The following ANK2 variants were observed in gnomAD, a reference collection of about 807,000 sequenced individuals.
The protein encoded by ANK2 is ankyrin-2.
ANK2 carries 83 observed loss-of-function variants against 360.5 expected under a neutral mutation model. That is an observed-to-expected ratio of 0.23 (90% CI 0.19 to 0.28). The LOEUF is 0.28. Ranked by LOEUF, ANK2 falls within the 10% of genes least tolerant of loss-of-function variation. The pLI is 1.00. For missense variants in ANK2, 4,201 were observed against 4,795.7 expected (o/e 0.88, Z 3.66); for synonymous variants, 1,740 against 1,759.5 (o/e 0.99, Z 0.28).
chr4:113,233,287 A>G (rs1160301656), intron 5 of ANK2, among the ~76,000 whole-genome samples: 15 of 149,124 alleles, frequency 1.0e-4, no homozygotes, highest in Non-Finnish European at 1.9e-4. Flanking sequence ...GGCGCCCGCC[A>G]CTACGCCCGG....
rs199922285 is a variant in ANK2, at chr4:113,369,653, C to T, written c.11458C>T (p.Arg3820Trp). 13 of 1,614,114 alleles carry T rather than the reference C, an allele frequency of 8.1e-6. No individual in the cohort carries two copies. Among genetic ancestry groups the T allele is most frequent in the Admixed American group, 5.0e-5 (3 of 60,016 alleles). The change falls in exon 43 of 46, where the codon CGG becomes TGG. Residue 3820 changes from arginine to tryptophan, a missense_variant. Arg to Trp is a moderately radical substitution (Grantham distance 101, BLOSUM62 -3). This residue lies in a region of ANK2 where 2,642 missense variants were observed against 2,714.5 expected (regional missense o/e 0.97). Transcript: ENST00000357077. ...CCTCCAGACCCCAACATCCAGCGAGCGGGGAGGCTCTCCCATCATACAAGA... is the reference window on the plus strand; with the variant it reads ...CCTCCAGACCCCAACATCCAGCGAGTGGGGAGGCTCTCCCATCATACAAGA... ...LYLQTPTSSE[R>W]GGSPIIQEPE...
chr4:113,149,483 C>T (rs2096955403), intron 1 of ANK2, among the ~76,000 whole-genome samples: 1 of 151,844 alleles, frequency 6.6e-6, no homozygotes, highest in African/African-American at 2.4e-5. Context: ...GATATTAACC[C>T]TAACAAGAGC....
intron 9 of ANK2, among the ~76,000 whole-genome samples, chr4:113,244,858 A>G (rs1027012956): frequency 2.0e-5 from 3 of 152,082 alleles, no homozygotes; most frequent in Non-Finnish European, 4.4e-5. Flanking sequence ...GATCGAGACC[A>G]TGTGGGGTTT....
chr4:113,001,822 G>A (rs1031587575), intron 2 of ANK2, among the ~76,000 whole-genome samples: 17 of 152,090 alleles, frequency 1.1e-4, no homozygotes, highest in African/African-American at 3.9e-4. Flanking sequence ...CACAAAATGA[G>A]CATTTTGATT....
At chr4:112,938,421 T>G (rs1362107264) in intron 2 of ANK2, among the ~76,000 whole-genome samples, 1 of 152,190 alleles carries the variant, frequency 6.6e-6, no homozygotes, top group Non-Finnish European at 1.5e-5. Flanking sequence ...TACCGCTATA[T>G]GTGTTGGGGT....
At chr4:113,222,883 A>G (rs2099166947) in intron 4 of ANK2, among the ~76,000 whole-genome samples, 2 of 152,212 alleles carry the variant, frequency 1.3e-5, no homozygotes, top group South Asian at 2.1e-4. Context: ...TGTCAACTTC[A>G]GATTATCTGA....
intron 1 of ANK2, among the ~76,000 whole-genome samples, chr4:112,864,948 C>T (rs555721586): frequency 1.2e-4 from 16 of 138,304 alleles, no homozygotes; most frequent in Non-Finnish European, 1.4e-4. Flanking sequence ...AGGAGAATGG[C>T]GTGAACCCAG....
At chr4:113,085,312 T>C (rs1449850715) in intron 1 of ANK2, among the ~76,000 whole-genome samples, 2 of 152,020 alleles carry the variant, frequency 1.3e-5, no homozygotes, top group Non-Finnish European at 2.9e-5. Flanking sequence ...GACTTTTTCT[T>C]TTCTTTTTCT....
intron 1 of ANK2, chr4:113,107,010 T>G: frequency 2.0e-6 from 1 of 488,960 alleles, no homozygotes; most frequent in South Asian, 1.6e-5. Flanking sequence ...ATGGTGATTG[T>G]TCTTTGTTGT....
chr4:112,809,036 T>A, the ANK2 span, among the ~76,000 whole-genome samples: 2 of 151,846 alleles, frequency 1.3e-5, no homozygotes, highest in African/African-American at 4.8e-5. Context: ...TTTTTTTATT[T>A]TTAGTAGAGA....
chr4:113,297,113 T>C (rs757606656), intron 22 of ANK2, among the ~76,000 whole-genome samples: 1 of 151,994 alleles, frequency 6.6e-6, no homozygotes, highest in African/African-American at 2.4e-5. Flanking sequence ...GTCTAATGGG[T>C]ACAAAAATAC....
chr4:113,064,471 A>T (rs1160723404), intron 1 of ANK2, among the ~76,000 whole-genome samples: 3 of 152,178 alleles, frequency 2.0e-5, no homozygotes, highest in African/African-American at 7.2e-5. Context: ...GGGGCTCTGC[A>T]TTCCACAGTG....
intron 9 of ANK2, among the ~76,000 whole-genome samples, chr4:113,244,169 A>T (rs2041562200): frequency 6.6e-6 from 1 of 152,200 alleles, no homozygotes; most frequent in Admixed American, 6.5e-5. Flanking sequence ...TCATTCAAGG[A>T]TTTAAAAAGA....
intron 2 of ANK2, among the ~76,000 whole-genome samples, chr4:112,922,005 G>C (rs2091657098): frequency 6.6e-6 from 1 of 152,172 alleles, no homozygotes; most frequent in Non-Finnish European, 1.5e-5. Flanking sequence ...TATTTCCTGA[G>C]TTGTTAAATG....
chr4:112,920,167 T>C (rs996929280), intron 2 of ANK2, among the ~76,000 whole-genome samples: 2 of 152,210 alleles, frequency 1.3e-5, no homozygotes, highest in African/African-American at 4.8e-5. Flanking sequence ...CACCACTCTA[T>C]GTTGCCTCTG....
intron 1 of ANK2, among the ~76,000 whole-genome samples, chr4:113,135,218 T>C (rs1179761432): frequency 6.6e-6 from 1 of 152,164 alleles, no homozygotes; most frequent in South Asian, 2.1e-4. Context: ...TAAGACATGT[T>C]AGAAGTAAAG....
the ANK2 span, among the ~76,000 whole-genome samples, chr4:112,812,657 A>G: frequency 4.3e-4 from 65 of 152,292 alleles, no homozygotes; most frequent in African/African-American, 1.5e-3. Flanking sequence ...CCCTTCCCAG[A>G]CTACAGATTT....
chr4:112,820,116 A>T (rs1327431807), intron 1 of ANK2, among the ~76,000 whole-genome samples: 1 of 152,236 alleles, frequency 6.6e-6, no homozygotes, highest in African/African-American at 2.4e-5. Flanking sequence ...TTAACACAGT[A>T]ATGTGAAAAG....
intron 38 of ANK2, 90 bp from the exon 39 acceptor site, chr4:113,360,733 A>G: frequency 8.8e-7 from 1 of 1,131,710 alleles, no homozygotes; most frequent in Non-Finnish European, 1.3e-6. Flanking sequence ...ATATTTGGAG[A>G]AGTGACTTCC....
Sources: allele counts gnomAD v4.1 joint callset (sites outside exome capture counted in the v4.1 genomes callset), GRCh38; gene constraint gnomAD v4.1.1; regional missense constraint gnomAD v4.1.1; transcripts MANE v1.5; gene names NCBI Gene and HGNC (gene_info 2026-07-23, HGNC 2026-07-21).